KIAA1217: variants seen among roughly 807,000 people sequenced by gnomAD.
KIAA1217 encodes the protein KIAA1217, also known as sickle tail protein homolog.
Under a neutral mutation model 163.9 loss-of-function variants are expected in KIAA1217, and 88 were observed. The ratio of observed to expected loss-of-function variants is 0.54; its 90% CI spans 0.45 to 0.64. The LOEUF is 0.64. Among genes scored for constraint, KIAA1217 ranks in the 30% least tolerant of loss-of-function variants. The pLI is 0.00. For synonymous variants in KIAA1217, 903 were observed against 923.1 expected, an observed-to-expected ratio of 0.98 and a Z score of 0.39; for missense variants, 2,372 against 2,475.0, an observed-to-expected ratio of 0.96 and a Z score of 0.88.
intron 1 of KIAA1217, among the ~76,000 whole-genome samples, chr10:23,917,836 G>A (rs956485083): frequency 5.3e-5 from 8 of 152,204 alleles, no homozygotes; most frequent in African/African-American, 1.7e-4. Context: ...AAGGGCCTAT[G>A]ACCCTTTGTC....
intron 2 of KIAA1217, among the ~76,000 whole-genome samples, chr10:24,118,648 T>TTAGA (rs2063157751): frequency 6.6e-6 from 1 of 151,812 alleles, no homozygotes; most frequent in Admixed American, 6.6e-5. Context: ...ACACTCTGAA[T>TTAGA]TAGAGTCTAG....
chr10:23,830,922 G>T (rs993660354), intron 1 of KIAA1217, among the ~76,000 whole-genome samples: 1 of 151,872 alleles, frequency 6.6e-6, no homozygotes, highest in African/African-American at 2.4e-5. Flanking sequence ...TCATGTTAAA[G>T]CTAGAAGTCT....
At chr10:23,871,782 A>G (rs985581707) in intron 1 of KIAA1217, among the ~76,000 whole-genome samples, 1 of 152,116 alleles carries the variant, frequency 6.6e-6, no homozygotes, top group Non-Finnish European at 1.5e-5. Context: ...AGATTCAAGA[A>G]GTACTATGAA....
At chr10:24,065,105 T>C (rs1196216816) in intron 2 of KIAA1217, among the ~76,000 whole-genome samples, 8 of 152,176 alleles carry the variant, frequency 5.3e-5, no homozygotes, top group East Asian at 1.9e-4. Context: ...CCTGGATTCA[T>C]TGATTTTTTT....
At chr10:24,451,407 C>G (rs550873438) in intron 5 of KIAA1217, among the ~76,000 whole-genome samples, 1 of 152,162 alleles carries the variant, frequency 6.6e-6, no homozygotes, top group African/African-American at 2.4e-5. Context: ...CCTGAGAGCC[C>G]GAACTTCACC....
At chr10:24,109,249 C>T (rs1191743013) in intron 2 of KIAA1217, among the ~76,000 whole-genome samples, 5 of 152,182 alleles carry the variant, frequency 3.3e-5, no homozygotes, top group African/African-American at 1.2e-4. Flanking sequence ...GGGGTGCTTA[C>T]ATTATTTAAT....
At chr10:23,856,692 A>G (rs1839688594) in intron 1 of KIAA1217, among the ~76,000 whole-genome samples, 1 of 152,168 alleles carries the variant, frequency 6.6e-6, no homozygotes, top group Non-Finnish European at 1.5e-5. Flanking sequence ...TGCTTTGTTT[A>G]CCTAAGCAAA....
At chr10:24,222,343 G>GT (rs1214853838) in intron 2 of KIAA1217, among the ~76,000 whole-genome samples, 1 of 152,156 alleles carries the variant, frequency 6.6e-6, no homozygotes, top group African/African-American at 2.4e-5. Flanking sequence ...AAAGGAGAGA[G>GT]TTTTTAATGC....
At chr10:24,205,643 T>A (rs149369949), upstream of KIAA1217, among the ~76,000 whole-genome samples, 1 of 151,056 alleles carries the variant, frequency 6.6e-6, no homozygotes. Context: ...CGTGGTGGCA[T>A]GTGCCTGTAG....
At chr10:23,762,232 C>T (rs948041921) in intron 1 of KIAA1217, among the ~76,000 whole-genome samples, 3 of 151,506 alleles carry the variant, frequency 2.0e-5, no homozygotes, top group African/African-American at 7.3e-5. Flanking sequence ...TGATTCCAAA[C>T]AATTGAAAAG....
chr10:23,704,014 A>C (rs2130711997), intron 1 of KIAA1217, among the ~76,000 whole-genome samples: 1 of 150,532 alleles, frequency 6.6e-6, no homozygotes, highest in East Asian at 2.0e-4. Flanking sequence ...ATAGAACATC[A>C]GGGTGGGTCT....
intron 2 of KIAA1217, among the ~76,000 whole-genome samples, chr10:24,103,852 A>G (rs998172789): frequency 1.3e-5 from 2 of 152,222 alleles, no homozygotes; most frequent in Non-Finnish European, 2.9e-5. Context: ...ATAACATGGT[A>G]TTGGTGAATG....
At chr10:23,888,181 TA>T (rs1443821555) in intron 1 of KIAA1217, among the ~76,000 whole-genome samples, 2 of 151,962 alleles carry the variant, frequency 1.3e-5, no homozygotes, top group Non-Finnish European at 2.9e-5. Context: ...AACAGCTTAC[TA>T]AACTACCTCT....
intron 1 of KIAA1217, among the ~76,000 whole-genome samples, chr10:23,894,659 C>A (rs1461797342): frequency 6.7e-6 from 1 of 149,088 alleles, no homozygotes; most frequent in East Asian, 2.0e-4. Context: ...TCATATGGAA[C>A]CAAAAAAGAG....
chr10:24,201,141 C>T (rs1564821008), intron 2 of KIAA1217, among the ~76,000 whole-genome samples: 2 of 151,978 alleles, frequency 1.3e-5, no homozygotes, highest in South Asian at 2.1e-4. Flanking sequence ...CGTGGCGGCA[C>T]GCACCTGTAA....
intron 12 of KIAA1217, among the ~76,000 whole-genome samples, chr10:24,522,138 C>T (rs2134618671): frequency 6.6e-6 from 1 of 152,126 alleles, no homozygotes; most frequent in South Asian, 2.1e-4. Flanking sequence ...TAGGTGGAGC[C>T]CATCCTAGGG....
intron 2 of KIAA1217, chr10:24,367,059 C>A: frequency 3.3e-6 from 2 of 612,294 alleles, no homozygotes; most frequent in Non-Finnish European, 4.1e-6. Flanking sequence ...TATTCTTTTT[C>A]TCTTCATGTT....
chr10:24,425,822 G>T (rs1382976255), intron 3 of KIAA1217, among the ~76,000 whole-genome samples: 1 of 152,174 alleles, frequency 6.6e-6, no homozygotes, highest in African/African-American at 2.4e-5. Flanking sequence ...CAGAGAAATG[G>T]TATCAACTTA....
At chr10:24,436,763 A>C (rs1412157712) in intron 4 of KIAA1217, among the ~76,000 whole-genome samples, 3 of 149,052 alleles carry the variant, frequency 2.0e-5, no homozygotes, top group South Asian at 2.1e-4. Flanking sequence ...GTCTCAAAAA[A>C]AAAAAAAAAA....
Sources: allele counts gnomAD v4.1 joint callset (sites outside exome capture counted in the v4.1 genomes callset), GRCh38; gene constraint gnomAD v4.1.1; transcripts MANE v1.5; gene names NCBI Gene and HGNC (gene_info 2026-07-23, HGNC 2026-07-21).